The following IRAK1BP1 variants were observed in gnomAD, a reference collection of about 807,000 sequenced individuals.
IRAK1BP1 encodes interleukin-1 receptor-associated kinase 1-binding protein 1.
IRAK1BP1 carries 24 observed loss-of-function variants against 28.0 expected under a neutral mutation model. That is an observed-to-expected ratio of 0.86 (90% CI 0.62 to 1.20). The LOEUF (loss-of-function observed/expected upper bound fraction) is 1.20. IRAK1BP1 is among the 50% of genes most tolerant of loss of function. The probability of loss-of-function intolerance (pLI) is 0.00; values close to 1 mark genes in which losing one functional copy is unlikely to be tolerated. For synonymous variants in IRAK1BP1, 131 were observed against 116.3 expected, an observed-to-expected ratio of 1.13 and a Z score of -0.81; for missense variants, 336 against 316.7, an observed-to-expected ratio of 1.06 and a Z score of -0.46.
chr6:78,925,574 T>C (rs1772865782), intron 4 of IRAK1BP1, among the ~76,000 whole-genome samples: 1 of 152,134 alleles, frequency 6.6e-6, no homozygotes, highest in African/African-American at 2.4e-5. Flanking sequence ...GAAACACTTA[T>C]ACACTGCTGC....
At chr6:78,883,200 A>G (rs901755211) in intron 1 of IRAK1BP1, among the ~76,000 whole-genome samples, 3 of 152,172 alleles carry the variant, frequency 2.0e-5, no homozygotes, top group African/African-American at 7.2e-5. Flanking sequence ...GTTCAAGATT[A>G]CGGTGAGCCA....
the IRAK1BP1 span, chr6:78,970,845 G>A: frequency 6.2e-7 from 1 of 1,610,764 alleles, no homozygotes; most frequent in East Asian, 2.2e-5. Context: ...ATTTTTCCGG[G>A]CCATTTCGAC....
At chr6:78,946,131 A>G (rs749199998) in exon 5 of IRAK1BP1, 2 of 1,613,956 alleles carry the variant, frequency 1.2e-6, no homozygotes, top group Non-Finnish European at 1.7e-6. Context: ...CCACAGAACT[A>G]GATTCTGTTT....
chr6:78,930,971 A>T (rs78138191), intron 4 of IRAK1BP1, among the ~76,000 whole-genome samples: 10 of 151,920 alleles, frequency 6.6e-5, no homozygotes, highest in Admixed American at 2.0e-4. Context: ...AAATAAAAAA[A>T]AATTAACCAG....
chr6:78,876,528 G>GT (rs1440392543), intron 1 of IRAK1BP1, among the ~76,000 whole-genome samples: 1 of 152,154 alleles, frequency 6.6e-6, no homozygotes, highest in Non-Finnish European at 1.5e-5. Context: ...ATATTTTTCA[G>GT]TTTTGTGCCC....
chr6:78,974,951 G>T, the IRAK1BP1 span, among the ~76,000 whole-genome samples: 4 of 151,588 alleles, frequency 2.6e-5, no homozygotes, highest in Middle Eastern at 3.4e-3. Flanking sequence ...GGTACAAGGA[G>T]GAACTGGTAC....
intron 1 of IRAK1BP1, among the ~76,000 whole-genome samples, chr6:78,875,066 G>A (rs1770946424): frequency 6.6e-6 from 1 of 152,104 alleles, no homozygotes; most frequent in Non-Finnish European, 1.5e-5. Context: ...GAAAAAGTGG[G>A]CAAAGGAAAT....
At chr6:78,971,195 G>T in the IRAK1BP1 span, among the ~76,000 whole-genome samples, 1 of 152,122 alleles carries the variant, frequency 6.6e-6, no homozygotes, top group East Asian at 1.9e-4. Flanking sequence ...TGACTAATAA[G>T]TTTATTGTCC....
chr6:78,905,417 T>G (rs1772235983), downstream of IRAK1BP1, among the ~76,000 whole-genome samples: 1 of 152,190 alleles, frequency 6.6e-6, no homozygotes, highest in South Asian at 2.1e-4. Flanking sequence ...ATCAGCAATG[T>G]TCAAAGAGCC....
chr6:78,885,500 A>C (rs1771394088), intron 2 of IRAK1BP1, 57 bp downstream of exon 2: 1 of 794,468 alleles, frequency 1.3e-6, no homozygotes, highest in Non-Finnish European at 2.0e-6. Flanking sequence ...AGTCATTTTT[A>C]TTCTTGAACT....
Position 78,945,144 on chromosome 6 carries a change from CA to C in IRAK1BP1, c.*68-263del, listed in dbSNP as rs1383308203. 1.2e-4 allele frequency among the ~76,000 whole-genome samples: 18 copies of C among 150,828 alleles called. No homozygotes were observed. The East Asian group carries it at 2.1e-3, about 18-fold the overall frequency. ...TGTTTACCAGGATGGAGTGCAGTGG[CA>C]CAATAATAGCTCATTGCAGTAAATT... On this transcript the variant is annotated intron_variant and NMD_transcript_variant, in intron 4 of 4. Coordinates refer to the IRAK1BP1 transcript ENST00000606868.
intron 4 of IRAK1BP1, among the ~76,000 whole-genome samples, chr6:78,932,417 TTTTC>T (rs983305697): frequency 5.6e-5 from 7 of 124,230 alleles, no homozygotes; most frequent in South Asian, 6.7e-4. Flanking sequence ...TTTTCTTTCT[TTTTC>T]TTTTTTTTTT....
rs181972141 is a variant in IRAK1BP1 at position 78,946,309 on chromosome 6, G to A, written c.*969G>A. On this transcript the variant is annotated 3_prime_UTR_variant and NMD_transcript_variant, in exon 5 of 5. Transcript: ENST00000606868. ...GTCACTCTTATAGCTCTATGTGAAC[G>A]AATAAAACAGTTTATAATATTTTTG... 1.6e-3 allele frequency: 2,363 copies of A among 1,514,306 alleles called. 2 individuals are homozygous for A. The highest frequency in any genetic ancestry group is 2.5e-3 in the Middle Eastern group (14 of 5,662). The allele number at this position is 1,514,306 out of a possible 1,614,324, so 93.8% of individuals were successfully genotyped here. A position where few individuals can be genotyped will look rare whatever the true frequency, so the allele number is the denominator to read the frequency against.
intron 4 of IRAK1BP1, chr6:78,945,222 T>G: frequency 9.2e-7 from 1 of 1,081,940 alleles, no homozygotes; most frequent in Non-Finnish European, 1.4e-6. Context: ...GAAAAGTGGA[T>G]ATAAATGCTG....
chr6:78,916,796 T>C (rs1772571880), intron 4 of IRAK1BP1, among the ~76,000 whole-genome samples: 2 of 151,420 alleles, frequency 1.3e-5, no homozygotes, highest in Non-Finnish European at 2.9e-5. Flanking sequence ...AAAAAAAAAA[T>C]AGCCGGACAT....
At chr6:78,968,298 G>C in the IRAK1BP1 span, among the ~76,000 whole-genome samples, 3 of 152,158 alleles carry the variant, frequency 2.0e-5, no homozygotes, top group Non-Finnish European at 4.4e-5. Flanking sequence ...ATTTTTGACA[G>C]TAAGTATCAG....
chr6:78,958,498 A>G, the IRAK1BP1 span: 5 of 1,543,364 alleles, frequency 3.2e-6, no homozygotes, highest in Non-Finnish European at 4.5e-6. Flanking sequence ...GAAGAAGATC[A>G]GTCACGAATT....
the IRAK1BP1 span, among the ~76,000 whole-genome samples, chr6:78,966,831 T>C: frequency 6.6e-6 from 1 of 152,244 alleles, no homozygotes. Context: ...TCACAGTACT[T>C]GAGTTTTCTC....
At chr6:78,947,782 G>A (rs535565630), downstream of IRAK1BP1, 30 of 1,595,614 alleles carry the variant, frequency 1.9e-5, no homozygotes, top group East Asian at 5.2e-4. Flanking sequence ...AGTCCTAGGA[G>A]AGGGAAAACA....
Sources: gnomAD v4.1 joint callset for allele counts (sites outside exome capture counted in the v4.1 genomes callset) on GRCh38, gnomAD v4.1.1 for gene constraint, MANE v1.5 for transcripts, NCBI Gene and HGNC (gene_info 2026-07-23, HGNC 2026-07-21) for gene names.